Variants in PREX1 observed in about 807,000 individuals in gnomAD.
The protein encoded by PREX1 is phosphatidylinositol 3,4,5-trisphosphate-dependent Rac exchanger 1 protein.
PREX1 carries 41 observed loss-of-function variants against 198.3 expected under a neutral mutation model. The ratio of observed to expected loss-of-function variants is 0.21; its 90% CI spans 0.16 to 0.27. PREX1 has a LOEUF of 0.27. Among genes scored for constraint, PREX1 ranks in the 10% least tolerant of loss-of-function variants. PREX1 has a pLI of 1.00. For missense variants in PREX1, 1,620 were observed against 2,200.7 expected (o/e 0.74, Z 5.28); for synonymous variants, 843 against 887.2 (o/e 0.95, Z 0.89).
At position 48,785,857 on chromosome 20, in the gene PREX1, C is replaced by T. The variant is rs73609687; in HGVS notation, c.220-37977G>A. On this transcript the variant is annotated intron_variant, in intron 1 of 39. Coordinates refer to ENST00000371941, the MANE Select transcript of PREX1 (RefSeq NM_020820.4). ...TGACGAGCCCCCATCATGTGGCAGG[C>T]GGTGGAGACGGAGGGCACAGGAAGA... 2.9e-3 allele frequency among the ~76,000 whole-genome samples: 443 copies of T among 152,284 alleles called. 9 individuals are homozygous for T. Among genetic ancestry groups the T allele is most frequent in the Admixed American group, 0.019 (287 of 15,300 alleles).
chr20:48,855,609 A>C, the PREX1 span, among the ~76,000 whole-genome samples: 1 of 152,186 alleles, frequency 6.6e-6, no homozygotes, highest in Non-Finnish European at 1.5e-5. Context: ...AAAATAAGTA[A>C]GTAAAGAGGC....
At chr20:48,640,392 C>T (rs2089400281) in intron 29 of PREX1, among the ~76,000 whole-genome samples, 1 of 152,242 alleles carries the variant, frequency 6.6e-6, no homozygotes, top group African/African-American at 2.4e-5. Context: ...TCTGGCCCCA[C>T]CATTCAGAGG....
intron 29 of PREX1, among the ~76,000 whole-genome samples, chr20:48,641,910 A>AAGGAAGGAAG (rs2089416184): frequency 8.5e-6 from 1 of 117,508 alleles, no homozygotes; most frequent in African/African-American, 3.2e-5. Context: ...AAGGAAGGAA[A>AAGGAAGGAAG]AGAAACAGGA....
intron 5 of PREX1, 117 bp from the exon 6 acceptor site, chr20:48,708,538 A>C (rs571387527): frequency 8.8e-7 from 1 of 1,135,644 alleles, no homozygotes; most frequent in African/African-American, 1.6e-5. Context: ...TGGACATTAC[A>C]TTCTAGTAAA....
At chr20:48,831,307 AC>A (rs1784394495), upstream of PREX1, among the ~76,000 whole-genome samples, 2 of 152,234 alleles carry the variant, frequency 1.3e-5, no homozygotes, top group African/African-American at 4.8e-5. Context: ...ATAGATTGCC[AC>A]CATCAACTTA....
intron 26 of PREX1, 28 bp from the exon 27 acceptor site, chr20:48,644,525 A>T: frequency 6.3e-7 from 1 of 1,599,164 alleles, no homozygotes; most frequent in Non-Finnish European, 8.6e-7. Context: ...GAAGGGGCTG[A>T]GTCACCCTGA....
chr20:48,725,562 G>C (rs1394471622), intron 5 of PREX1, among the ~76,000 whole-genome samples: 1 of 152,248 alleles, frequency 6.6e-6, no homozygotes, highest in African/African-American at 2.4e-5. Flanking sequence ...ACCTATGCCT[G>C]CCCTCACCCT....
intron 7 of PREX1, 128 bp downstream of exon 7, chr20:48,700,625 C>T (rs2123067531): frequency 2.4e-6 from 3 of 1,251,444 alleles, no homozygotes; most frequent in African/African-American, 3.0e-5. Context: ...TCCTACTAGA[C>T]AGCACTGATG....
intron 29 of PREX1, among the ~76,000 whole-genome samples, 154 bp from the exon 30 acceptor site, chr20:48,640,048 A>G (rs1433847481): frequency 2.6e-5 from 4 of 152,174 alleles, no homozygotes; most frequent in Admixed American, 2.6e-4. Flanking sequence ...GGGTCCACAG[A>G]GGGTAAGTGT....
intron 15 of PREX1, among the ~76,000 whole-genome samples, chr20:48,663,800 A>G (rs145411452): frequency 6.6e-6 from 1 of 152,238 alleles, no homozygotes; most frequent in East Asian, 1.9e-4. Context: ...TCCCAGCCAT[A>G]TCCTCCTTCC....
At position 48,666,076 on chromosome 20, in the gene PREX1, C is replaced by T. The variant is rs1023830329; in HGVS notation, c.1738+207G>A. On this transcript the variant is annotated intron_variant, in intron 15 of 39. Coordinates refer to ENST00000371941, the MANE Select transcript of PREX1 (RefSeq NM_020820.4). This position sits in a 1 kb window ranked among gnomAD's most constrained non-coding sequence, Gnocchi z 4.3. Reference sequence around the variant, plus strand: ...ACTTCAAATCTAGCCCATGTCCTTCCAGCCATTTTGGTCCCCAGTGGACAC... The same window carrying T: ...ACTTCAAATCTAGCCCATGTCCTTCTAGCCATTTTGGTCCCCAGTGGACAC... Among the ~76,000 whole-genome samples the T allele has an allele frequency of 5.3e-5, 8 of 152,204 alleles. No homozygotes were observed. The highest frequency in any genetic ancestry group is 1.9e-4 in the African/African-American group (8 of 41,446).
At chr20:48,643,126 C>T (rs1425721927) in intron 27 of PREX1, among the ~76,000 whole-genome samples, 1 of 152,182 alleles carries the variant, frequency 6.6e-6, no homozygotes, top group African/African-American at 2.4e-5. Context: ...CATGTGGATA[C>T]ACAACCCATT....
intron 20 of PREX1, 136 bp from the exon 21 acceptor site, chr20:48,652,842 G>T: frequency 1.9e-6 from 2 of 1,072,804 alleles, no homozygotes; most frequent in South Asian, 1.6e-5. Context: ...AGCCCTCACC[G>T]TGCACAGTCT....
chr20:48,718,759 G>A (rs184239725), intron 5 of PREX1, among the ~76,000 whole-genome samples: 66 of 152,190 alleles, frequency 4.3e-4, no homozygotes, highest in Non-Finnish European at 2.2e-4. Flanking sequence ...AAAAACAGAC[G>A]TTGAAACAAT....
chr20:48,857,485 T>C, the PREX1 span, among the ~76,000 whole-genome samples: 11 of 152,130 alleles, frequency 7.2e-5, no homozygotes, highest in African/African-American at 1.7e-4. Flanking sequence ...AGTTTGAACC[T>C]GCAATGAGCT....
intron 7 of PREX1, among the ~76,000 whole-genome samples, chr20:48,696,944 A>G (rs1166545037): frequency 6.7e-6 from 1 of 150,256 alleles, no homozygotes; most frequent in Non-Finnish European, 1.5e-5. Context: ...CAGCCTCCAT[A>G]ATCACGAGTC....
chr20:48,767,263 C>T (rs2090212746), intron 1 of PREX1, among the ~76,000 whole-genome samples: 1 of 152,224 alleles, frequency 6.6e-6, no homozygotes, highest in Non-Finnish European at 1.5e-5. Flanking sequence ...CAGACTACGA[C>T]AGCTCACCAG....
intron 1 of PREX1, among the ~76,000 whole-genome samples, chr20:48,757,505 A>G (rs1400394970): frequency 6.6e-6 from 1 of 152,236 alleles, no homozygotes; most frequent in Non-Finnish European, 1.5e-5. Context: ...TGAATCACAC[A>G]TTAGGCTCTG....
At chr20:48,880,892 G>T in the PREX1 span, among the ~76,000 whole-genome samples, 3 of 138,858 alleles carry the variant, frequency 2.2e-5, no homozygotes, top group East Asian at 7.0e-4. Flanking sequence ...CTGCCAAATT[G>T]TCTCTGAGAA....
Sources: gnomAD v4.1 joint callset for allele counts (sites outside exome capture counted in the v4.1 genomes callset) on GRCh38, gnomAD v4.1.1 for gene constraint, Gnocchi (gnomAD v3.1) non-coding constraint, MANE v1.5 for transcripts, NCBI Gene and HGNC (gene_info 2026-07-23, HGNC 2026-07-21) for gene names.